LRRC56: variants seen among roughly 807,000 people sequenced by gnomAD.
LRRC56 encodes leucine rich repeat containing 56, also known as leucine-rich repeat-containing protein 56.
Under a neutral mutation model 47.8 loss-of-function variants are expected in LRRC56, and 41 were observed. That is an observed-to-expected ratio of 0.86 (90% CI 0.67 to 1.11). The LOEUF is 1.11. LRRC56 is among the 50% of genes most tolerant of loss of function. The pLI, the probability that LRRC56 is intolerant of heterozygous loss-of-function variation, is 0.00. For synonymous variants in LRRC56, 387 were observed against 311.2 expected (o/e 1.24, Z -2.56); for missense variants, 759 against 704.2 (o/e 1.08, Z -0.88).
chr11:546,720 C>T (rs149670342), intron 6 of LRRC56, among the ~76,000 whole-genome samples: 3 of 152,048 alleles, frequency 2.0e-5, no homozygotes, highest in Non-Finnish European at 4.4e-5. Context: ...ACACCGCGAA[C>T]GAGAAACTAG....
chr11:517,242 A>C, the LRRC56 span, among the ~76,000 whole-genome samples: 2 of 152,182 alleles, frequency 1.3e-5, no homozygotes, highest in Non-Finnish European at 2.9e-5. Context: ...CCAAAGTGCT[A>C]AGATTACAGC....
chr11:551,887 A>G lies in LRRC56; in HGVS notation c.974-16A>G. The G allele has an allele frequency of 6.2e-7, 1 of 1,612,456 alleles. No homozygotes were observed. Among genetic ancestry groups the G allele is most frequent in the South Asian group, 1.1e-5 (1 of 91,064 alleles). On this transcript the variant is annotated splice_polypyrimidine_tract_variant and intron_variant, in intron 10 of 13. Coordinates refer to ENST00000270115, the MANE Select transcript of LRRC56 (RefSeq NM_198075.4). Reference sequence around the variant, plus strand: ...CCTCGGCCCCGAACCAGGCCCAGCCATGCTGTCTCTTGCAGGTGCTGGCCA... The same window carrying G: ...CCTCGGCCCCGAACCAGGCCCAGCCGTGCTGTCTCTTGCAGGTGCTGGCCA...
At chr11:550,309 C>T (rs1422625815) in intron 8 of LRRC56, 37 bp downstream of exon 8, 16 of 1,477,802 alleles carry the variant, frequency 1.1e-5, no homozygotes, top group Non-Finnish European at 1.4e-5. Context: ...ATGTGCATGG[C>T]CAGGAGAGGC....
the LRRC56 span, among the ~76,000 whole-genome samples, chr11:515,039 C>T: frequency 6.6e-6 from 1 of 152,192 alleles, no homozygotes; most frequent in East Asian, 1.9e-4. Context: ...TTGAAAGGGC[C>T]ACCAGTAAAT....
chr11:545,521 G>A (rs888189361), intron 6 of LRRC56, among the ~76,000 whole-genome samples: 11 of 150,476 alleles, frequency 7.3e-5, no homozygotes, highest in South Asian at 2.1e-4. Flanking sequence ...GGCAGCCCCC[G>A]GGAGAGGCAC....
In LRRC56 at chr11:552,641, T is replaced by C. The variant is rs567787669; in HGVS notation, c.1254T>C (p.Pro418=). ...CCCCCTGGGGCCCACGGAGGGTCCC[T>C]GAAGAGCAAGTGCACCAGGCAGAGC... ...AVAPWGPRRV[P]EEQVHQAEPK... The change falls in exon 13 of 14, where the codon CCT becomes CCC. Residue 418 remains proline (P), a synonymous_variant. Coordinates refer to ENST00000270115, the MANE Select transcript of LRRC56 (RefSeq NM_198075.4). 4.6e-5 allele frequency: 74 copies of C among 1,611,276 alleles called. 1 individual carries two copies. The South Asian group carries it at 7.9e-4, about 17-fold the overall frequency.
upstream of LRRC56, chr11:537,005 C>T (rs1851535734): frequency 6.6e-6 from 1 of 152,234 alleles, no homozygotes; most frequent in Non-Finnish European, 1.5e-5. Flanking sequence ...GCGGGCCGGG[C>T]ACTCGGGTGC....
chr11:524,468 C>A, the LRRC56 span, among the ~76,000 whole-genome samples: 1 of 151,694 alleles, frequency 6.6e-6, no homozygotes, highest in East Asian at 1.9e-4. Context: ...CCCGTCTCTA[C>A]TAAAAATACA....
At chr11:515,022 G>A in the LRRC56 span, among the ~76,000 whole-genome samples, 1 of 152,198 alleles carries the variant, frequency 6.6e-6, no homozygotes, top group Admixed American at 6.5e-5. Context: ...CCGTTTGACA[G>A]AAAGACTTGA....
the LRRC56 span, among the ~76,000 whole-genome samples, chr11:518,875 T>G: frequency 1.3e-4 from 20 of 149,470 alleles, no homozygotes; most frequent in East Asian, 4.0e-3. Flanking sequence ...TCGGGCGCCC[T>G]CTGCCGGCCG....
chr11:544,541 C>T (rs1007680631), intron 5 of LRRC56, among the ~76,000 whole-genome samples, 179 bp from the exon 6 acceptor site: 2 of 152,106 alleles, frequency 1.3e-5, no homozygotes, highest in African/African-American at 4.8e-5. Context: ...CAGAGGAGCC[C>T]GCAGCCCTGG....
intron 6 of LRRC56, among the ~76,000 whole-genome samples, chr11:545,438 C>G (rs554662265): frequency 6.6e-6 from 1 of 152,300 alleles, no homozygotes; most frequent in South Asian, 2.1e-4. Context: ...AGAACCTGCA[C>G]GTAGAACCCA....
chr11:553,896 C>T (rs1852592209), intron 13 of LRRC56, 67 bp from the exon 14 acceptor site: 4 of 1,479,166 alleles, frequency 2.7e-6, no homozygotes, highest in Non-Finnish European at 3.7e-6. Flanking sequence ...GGGCTGTGGC[C>T]TCCCCACCGG....
the LRRC56 span, among the ~76,000 whole-genome samples, chr11:520,787 TC>T: frequency 1.3e-5 from 2 of 152,008 alleles, no homozygotes; most frequent in East Asian, 3.9e-4. Flanking sequence ...TCCTTTCTGT[TC>T]CCTGAGGCCG....
At chr11:511,103 C>T in the LRRC56 span, among the ~76,000 whole-genome samples, 4 of 152,004 alleles carry the variant, frequency 2.6e-5, no homozygotes, top group Non-Finnish European at 5.9e-5. Context: ...GGGCGGATCA[C>T]AAGGTCAGGA....
chr11:533,341 A>G, upstream of LRRC56: 1 of 1,605,756 alleles, frequency 6.2e-7, no homozygotes, highest in Non-Finnish European at 8.5e-7. Context: ...AGCTGGAGCT[A>G]GAGCCAGAGC....
At chr11:544,670 G>T in intron 5 of LRRC56, 50 bp from the exon 6 acceptor site, 1 of 1,590,252 alleles carries the variant, frequency 6.3e-7, no homozygotes, top group Non-Finnish European at 8.6e-7. Context: ...GGGTGCAGAG[G>T]TGGGCGGGGT....
At chr11:547,634 G>A (rs894190054) in intron 6 of LRRC56, among the ~76,000 whole-genome samples, 3 of 150,800 alleles carry the variant, frequency 2.0e-5, no homozygotes, top group Non-Finnish European at 4.4e-5. Flanking sequence ...TTACAGGCGT[G>A]AGCCACCACG....
chr11:552,228 G>A lies in LRRC56; in HGVS notation c.1177G>A (p.Val393Met), dbSNP rs151206481. The A allele has an allele frequency of 1.5e-4, 246 of 1,608,612 alleles. No homozygotes were observed. The highest frequency in any genetic ancestry group is 1.0e-4 in the Non-Finnish European group (122 of 1,176,882). ...AGLRAWREHG[V>M]RPLPYRHPES... is the part of the protein sequence containing the mutation. ...GCTCAGGGCCTGGAGGGAACATGGC[G>A]TGCGGTGGGTGTCCCTCCAGCTCTT... The change falls in exon 12 of 14, where the codon GTG becomes ATG. Residue 393 changes from valine to methionine, a missense_variant. Coordinates refer to ENST00000270115, the MANE Select transcript of LRRC56 (RefSeq NM_198075.4).
Sources: allele counts gnomAD v4.1 joint callset (sites outside exome capture counted in the v4.1 genomes callset), GRCh38; gene constraint gnomAD v4.1.1; transcripts MANE v1.5; gene names NCBI Gene and HGNC (gene_info 2026-07-23, HGNC 2026-07-21).